The following DCTN1 variants were observed in gnomAD, a reference collection of about 807,000 sequenced individuals.
DCTN1 encodes the protein 150 kDa dynein-associated polypeptide.
In DCTN1, 61 loss-of-function variants were observed where a neutral mutation model predicts 161.2. That is an observed-to-expected ratio of 0.38 (90% CI 0.31 to 0.47). DCTN1 has a LOEUF of 0.47. Ranked by LOEUF, DCTN1 falls within the 20% of genes least tolerant of loss-of-function variation. The pLI is 0.99. For missense variants in DCTN1, 1,404 were observed against 1,623.7 expected (o/e 0.86, Z 2.33); for synonymous variants, 653 against 632.4 (o/e 1.03, Z -0.49).
Position 74,372,877 on chromosome 2 carries a change from A to C in DCTN1, c.453+51T>G, listed in dbSNP as rs1328797602. 4.4e-6 allele frequency: 7 copies of C among 1,597,090 alleles called. No homozygotes were observed. In the East Asian group the frequency reaches 1.6e-4, roughly 36 times the overall value. On this transcript the variant is annotated intron_variant, in intron 7 of 31. Transcript: ENST00000628224. ...GTGCCCTCATACATCCACATGCCTG[A>C]AACGTGTGTGTACACTCAGCAGTGG...
intron 1 of DCTN1, among the ~76,000 whole-genome samples, chr2:74,388,707 G>A (rs552678396): frequency 6.6e-6 from 1 of 152,136 alleles, no homozygotes; most frequent in Non-Finnish European, 1.5e-5. Context: ...ATTCCTCCAG[G>A]ACAGAGGATT....
At position 74,368,046 on chromosome 2, in the gene DCTN1, C is replaced by A. The variant is rs1202911001; in HGVS notation, c.1940G>T (p.Gly647Val). ...SERPGLRGAA[G>V]EQLSFAAGLV... is the part of the protein sequence containing the mutation. ...TCCAGCAGCAAAGCTGAGTTGCTCCCCAGCAGCTCCTCGCAGCCCAGGCCG... is the reference window on the plus strand; with the variant it reads ...TCCAGCAGCAAAGCTGAGTTGCTCCACAGCAGCTCCTCGCAGCCCAGGCCG... The change falls in exon 17 of 32, where the codon GGG (glycine) becomes GTG (valine). Residue 647 changes from glycine (G) to valine (V), a missense_variant. Physicochemically the swap from Gly to Val is moderately radical, Grantham distance 109. Transcript: ENST00000628224. The A allele has an allele frequency of 2.5e-6, 4 of 1,613,906 alleles. No homozygotes were observed. Among genetic ancestry groups the A allele is most frequent in the Admixed American group, 3.3e-5 (2 of 59,978 alleles).
Position 74,361,561 on chromosome 2 carries a change from G to A in DCTN1, c.3775C>T (p.Arg1259Ter), listed in dbSNP as rs1475180702. 1.2e-6 allele frequency: 2 copies of A among 1,613,922 alleles called. No individual in the cohort carries two copies. The highest frequency in any genetic ancestry group is 8.5e-7 in the Non-Finnish European group (1 of 1,179,994). ...TCCTGGGTCAGCACCAGCCGGTGTC[G>A]CTGTCCAAAACCAGCCGCACATGAG... The part of the protein sequence containing the change: ...TFSCAAGFGQ[R>*]HRLVLTQEQL... The change falls in exon 32 of 32, where the codon CGA (arginine) becomes TGA (stop). Residue 1259 changes from arginine to a stop codon, truncating the protein, a stop_gained. Coordinates refer to ENST00000628224, the MANE Select transcript of DCTN1 (RefSeq NM_004082.5). LOFTEE classifies it high-confidence loss of function.
At chr2:74,368,462 T>A (rs1429064913) in intron 16 of DCTN1, 2 of 624,170 alleles carry the variant, frequency 3.2e-6, no homozygotes, top group Non-Finnish European at 5.6e-6. Context: ...CCTAGGCACC[T>A]CCTGGCCCTC....
At chr2:74,372,001 C>T (rs1674897655) in intron 7 of DCTN1, 2 of 444,442 alleles carry the variant, frequency 4.5e-6, no homozygotes, top group Non-Finnish European at 8.3e-6. Context: ...GATTATAAGG[C>T]TCCTCGCTTG....
At chr2:74,365,816 C>T (rs1166072214) in intron 24 of DCTN1, 77 bp downstream of exon 24, 23 of 1,613,516 alleles carry the variant, frequency 1.4e-5, no homozygotes, top group South Asian at 8.8e-5. Context: ...GTCTTGGTCC[C>T]GATCCCCAAC....
chr2:74,367,425 G>A lies in DCTN1; in HGVS notation c.2185-5C>T. The A allele has an allele frequency of 6.2e-7, 1 of 1,614,114 alleles. No homozygotes were observed. The highest frequency in any genetic ancestry group is 8.5e-7 in the Non-Finnish European group (1 of 1,180,022). On this transcript the variant is annotated splice_polypyrimidine_tract_variant and splice_region_variant and intron_variant, in intron 18 of 31. Coordinates refer to ENST00000628224, the MANE Select transcript of DCTN1 (RefSeq NM_004082.5). ...AAGGTGGATGCTGTACAGATGCTGA[G>A]GAGAGATAACAGACAGACAACTTTT...
At chr2:74,374,763 G>A (rs1675123551) in intron 5 of DCTN1, 1 of 1,129,066 alleles carries the variant, frequency 8.9e-7, no homozygotes, top group African/African-American at 1.6e-5. Flanking sequence ...CAACCATCTA[G>A]GGCTTTGCTG....
rs758168607 is a variant in DCTN1 at position 74,366,000 on chromosome 2, G to A, written c.2779C>T (p.Arg927Trp). ...ATCTCTGCACGAAGGGCAGCAGCCC[G>A]CAGTTCAACCGGTGGAGGCTAAGGA... ...PPSKPPPVEL[R>W]AAALRAEITD... Residue 927 changes from arginine (R) to tryptophan (W), a missense_variant, in exon 24 of 32, where the codon CGG (arginine) becomes TGG (tryptophan). Around this residue, in one of 9 missense-constraint regions of DCTN1, gnomAD observed 475 missense variants for 489.8 expected, o/e 0.97. Transcript: ENST00000628224. 10 of 1,614,098 alleles carry A rather than the reference G, an allele frequency of 6.2e-6. No homozygotes were observed. The highest frequency in any genetic ancestry group is 1.7e-5 in the Admixed American group (1 of 60,010).
At chr2:74,386,428 T>G (rs73948792) in intron 1 of DCTN1, among the ~76,000 whole-genome samples, 19,081 of 152,182 alleles carry the variant, frequency 0.13, 1,582 homozygotes, top group East Asian at 0.46. Flanking sequence ...GAAAAGCACT[T>G]AGAACAGTGC....
chr2:74,361,668 G>A (rs1303123171), intron 31 of DCTN1, 32 bp from the exon 32 acceptor site: 1 of 1,613,982 alleles, frequency 6.2e-7, no homozygotes. Context: ...AAGACTCCAG[G>A]TCAGGGGCTC....
In DCTN1 at chr2:74,363,646, C is replaced by G; in HGVS notation, c.3197-18G>C. 4 of 1,613,422 alleles carry G rather than the reference C, an allele frequency of 2.5e-6. No homozygotes were observed. Among genetic ancestry groups the G allele is most frequent in the Non-Finnish European group, 2.5e-6 (3 of 1,179,726 alleles). On this transcript the variant is annotated intron_variant, in intron 26 of 31. Transcript: ENST00000628224. ...CTGTTCTTCTGTGCTCGGGATAGCC[C>G]ATGGGGGAGCAGGAAAAGAGGAGAG...
chr2:74,384,569 T>C (rs1675648154), upstream of DCTN1, among the ~76,000 whole-genome samples: 2 of 152,218 alleles, frequency 1.3e-5, no homozygotes, highest in Admixed American at 6.5e-5. Context: ...TGTCTGCCAA[T>C]AGTCTTAGAG....
Position 74,377,452 on chromosome 2 carries a change from T to C in DCTN1, c.373A>G (p.Thr125Ala), listed in dbSNP as rs745657856. 9 of 1,613,682 alleles carry C rather than the reference T, an allele frequency of 5.6e-6. No individual in the cohort carries two copies. The highest frequency in any genetic ancestry group is 3.3e-5 in the Admixed American group (2 of 60,022). The change falls in exon 4 of 32, where the codon ACT (threonine) becomes GCT (alanine). Residue 125 changes from threonine to alanine, a missense_variant. By Grantham distance (58) the Thr-to-Ala change is moderately conservative (BLOSUM62 0). Transcript: ENST00000628224. ...KVLKREGTDT[T>A]AKTSKLRGLK... ...CTCACCAGTTTGCTAGTCTTTGCAG[T>C]TGTATCAGTTCCCTCTGTAGAAAGC...
rs369129714 is a variant in DCTN1 at position 74,365,575 on chromosome 2, C to A, written c.2969G>T (p.Arg990Leu). The A allele has an allele frequency of 1.2e-6, 2 of 1,614,154 alleles. No individual in the cohort carries two copies. Among genetic ancestry groups the A allele is most frequent in the Non-Finnish European group, 1.7e-6 (2 of 1,180,032 alleles). The change falls in exon 25 of 32, where the codon CGC (arginine) becomes CTC (leucine). Residue 990 changes from arginine to leucine, a missense_variant. By Grantham distance (102) the Arg-to-Leu change is moderately radical. This residue lies in a region of DCTN1 where 475 missense variants were observed against 489.8 expected (regional missense o/e 0.97). Transcript: ENST00000628224. ...CAGCCGAGTCTGGACTTTCTCGATG[C>A]GCTCATCTGCATCCTTGGCAGCACT... ...LDSAAKDADE[R>L]IEKVQTRLEE...
intron 23 of DCTN1, 21 bp from the exon 24 acceptor site, chr2:74,366,039 G>C (rs1023165285): frequency 8.7e-6 from 14 of 1,614,146 alleles, no homozygotes; most frequent in Non-Finnish European, 1.2e-5. Flanking sequence ...GTCGGTAGGG[G>C]GTGAGAAAGT....
At chr2:74,374,444 G>T (rs1340906034) in intron 5 of DCTN1, 104 bp from the exon 6 acceptor site, 1 of 1,584,726 alleles carries the variant, frequency 6.3e-7, no homozygotes, top group Non-Finnish European at 8.6e-7. Context: ...AGGGAGGGAG[G>T]GCAAGAGACC....
Position 74,371,611 on chromosome 2 carries a change from G to A in DCTN1, c.571C>T (p.Leu191=). The A allele has an allele frequency of 6.3e-7, 1 of 1,589,820 alleles. No individual in the cohort carries two copies. Among genetic ancestry groups the A allele is most frequent in the Non-Finnish European group, 8.6e-7 (1 of 1,168,692 alleles). The change falls in exon 8 of 32, where the codon CTG becomes TTG. Residue 191 remains leucine (L), a synonymous_variant. Coordinates refer to ENST00000628224, the MANE Select transcript of DCTN1 (RefSeq NM_004082.5). ...GGCGTGGGGATGATGGGTGCTGCCA[G>A]CGGAGTCTGAGCCGGGGTGCTGGGC... is the stretch of plus-strand genomic sequence containing the variant. ...SEPSTPAQTP[L]AAPIIPTPVL...
chr2:74,376,427 G>A lies in DCTN1; in HGVS notation c.414+315C>T, dbSNP rs542084347. On this transcript the variant is annotated intron_variant, in intron 5 of 31. Coordinates refer to ENST00000628224, the MANE Select transcript of DCTN1 (RefSeq NM_004082.5). ...AGCTCGGGCTAAGTGAGAACACACT[G>A]TAACCCAGTAAATGATCTATTTCAC... 8.5e-5 allele frequency among the ~76,000 whole-genome samples: 13 copies of A among 152,310 alleles called. No individual in the cohort carries two copies. The South Asian group carries it at 2.7e-3, about 32-fold the overall frequency.
Sources: allele counts gnomAD v4.1 joint callset (sites outside exome capture counted in the v4.1 genomes callset), GRCh38; gene constraint gnomAD v4.1.1; regional missense constraint gnomAD v4.1.1; transcripts MANE v1.5; gene names NCBI Gene and HGNC (gene_info 2026-07-23, HGNC 2026-07-21).